SP3: variants seen among roughly 807,000 people sequenced by gnomAD.
SP3 encodes Sp3 transcription factor.
A neutral mutation model predicts 70.3 loss-of-function variants in SP3; 10 were observed. That is an observed-to-expected ratio of 0.14 (90% confidence interval 0.09 to 0.24). SP3 has a LOEUF of 0.24. Among genes scored for constraint, SP3 ranks in the 10% least tolerant of loss-of-function variants. The pLI is 1.00. For missense variants in SP3, 825 were observed against 914.6 expected, an observed-to-expected ratio of 0.90 and a Z score of 1.26; for synonymous variants, 402 against 333.5, an observed-to-expected ratio of 1.21 and a Z score of -2.24.
rs759123206 is a variant in SP3, at chr2:173,956,235, G to A, written c.280-3C>T. ...TGTGCAGAAGCCAAATCACCTGTCT[G>A]GATGAAGAAAACAAAAAGGTGATAT... On this transcript the variant is annotated splice_region_variant and splice_polypyrimidine_tract_variant and intron_variant, in intron 3 of 6. Coordinates refer to ENST00000310015, the MANE Select transcript of SP3 (RefSeq NM_003111.5). The A allele has an allele frequency of 6.4e-7, 1 of 1,569,842 alleles. No homozygotes were observed. Among genetic ancestry groups the A allele is most frequent in the East Asian group, 2.3e-5 (1 of 44,322 alleles).
chr2:173,949,546 TAAGA>T (rs1461936041), intron 4 of SP3, among the ~76,000 whole-genome samples: 2 of 152,080 alleles, frequency 1.3e-5, no homozygotes, highest in East Asian at 3.9e-4. Context: ...TAGATTAATG[TAAGA>T]AAGAATTATA....
intron 4 of SP3, among the ~76,000 whole-genome samples, chr2:173,932,066 G>A (rs1690082473): frequency 6.6e-6 from 1 of 152,290 alleles, no homozygotes; most frequent in East Asian, 1.9e-4. Context: ...GGTCTATCTG[G>A]GCTTTCAATA....
At chr2:173,916,351 T>G (rs777673478) in intron 5 of SP3, 2 of 152,076 alleles carry the variant, frequency 1.3e-5, no homozygotes, top group Non-Finnish European at 2.9e-5. Flanking sequence ...AACTTTAATT[T>G]TTTGTGCTTA....
At chr2:173,916,237 CA>C (rs1431602318) in intron 5 of SP3, 5 of 151,914 alleles carry the variant, frequency 3.3e-5, no homozygotes, top group Middle Eastern at 3.2e-3. Flanking sequence ...AATGAAGTCA[CA>C]AAAGTTCTAG....
At chr2:173,925,353 T>C (rs1689885030) in intron 4 of SP3, among the ~76,000 whole-genome samples, 1 of 152,114 alleles carries the variant, frequency 6.6e-6, no homozygotes, top group African/African-American at 2.4e-5. Flanking sequence ...TCCATGAATA[T>C]GAAGTACTTA....
intron 4 of SP3, among the ~76,000 whole-genome samples, chr2:173,948,801 T>C (rs1690623007): frequency 6.6e-6 from 1 of 152,122 alleles, no homozygotes; most frequent in Middle Eastern, 3.2e-3. Context: ...AAAAAAATCG[T>C]TGGAAAATCA....
intron 4 of SP3, among the ~76,000 whole-genome samples, chr2:173,947,453 AG>A (rs1641850861): frequency 2.7e-5 from 4 of 150,444 alleles, no homozygotes; most frequent in African/African-American, 1.0e-4. Flanking sequence ...AAAAAAAAAG[AG>A]AGAGAAACAC....
chr2:173,959,245 A>G (rs1201491095), intron 3 of SP3, among the ~76,000 whole-genome samples: 1 of 152,128 alleles, frequency 6.6e-6, no homozygotes, highest in African/African-American at 2.4e-5. Context: ...AGCACAATCA[A>G]ATTTCTTTGT....
In SP3 at chr2:173,905,277, TG is replaced by T. The variant is rs1689281502; in HGVS notation, c.*4663del. Among the ~76,000 whole-genome samples, 1 of 152,174 alleles carries T rather than the reference TG, an allele frequency of 6.6e-6. No individual in the cohort carries two copies. Among genetic ancestry groups the T allele is most frequent in the Admixed American group, 6.5e-5 (1 of 15,270 alleles). On this transcript the variant is annotated 3_prime_UTR_variant, in exon 7 of 7. Transcript: ENST00000310015. ...CAGAGTTAAGGGGGGAGGAAGGCAT[TG>T]GAAGGAGGTTACCATTTGAATCTCT...
chr2:173,933,646 A>ATATATATATT (rs1690130803), intron 4 of SP3, among the ~76,000 whole-genome samples: 1 of 133,456 alleles, frequency 7.5e-6, no homozygotes, highest in Non-Finnish European at 1.6e-5. Flanking sequence ...CTTTATATAT[A>ATATATATATT]TATATATATA....
At chr2:173,916,668 G>T (rs1341017217) in intron 5 of SP3, 1 of 151,914 alleles carries the variant, frequency 6.6e-6, no homozygotes, top group Non-Finnish European at 1.5e-5. Context: ...TTCATTGTTG[G>T]CAAAGGTGTG....
At chr2:173,915,037 G>A (rs187507940) in intron 5 of SP3, 3 of 151,994 alleles carry the variant, frequency 2.0e-5, no homozygotes, top group East Asian at 1.9e-4. Flanking sequence ...AATAATCAAC[G>A]CGCTTTTACA....
chr2:173,961,720 GTAA>G (rs371881576), intron 3 of SP3, among the ~76,000 whole-genome samples: 30 of 152,062 alleles, frequency 2.0e-4, no homozygotes, highest in African/African-American at 6.3e-4. Context: ...AGTCATTTGA[GTAA>G]TAAAAGATTA....
intron 4 of SP3, among the ~76,000 whole-genome samples, chr2:173,920,084 GC>G (rs11382552): frequency 3.3e-5 from 5 of 151,712 alleles, no homozygotes; most frequent in Non-Finnish European, 5.9e-5. Context: ...AACAAAAGAA[GC>G]CCCCCCGCAC....
At position 173,905,004 on chromosome 2, in the gene SP3, TAC is replaced by T. The variant is rs1275565522; in HGVS notation, c.*4935_*4936del. On this transcript the variant is annotated 3_prime_UTR_variant, in exon 7 of 7. Transcript: ENST00000310015. ...GAAATGTTCAAATAGGATAGACTCT[TAC>T]ACAGGGGTGTAATTTCCTCAAGAAA... Among the ~76,000 whole-genome samples, 1 of 152,218 alleles carries T rather than the reference TAC, an allele frequency of 6.6e-6. No individual in the cohort carries two copies. The highest frequency in any genetic ancestry group is 1.9e-4 in the East Asian group (1 of 5,194).
chr2:173,927,990 A>G (rs1689965546), intron 4 of SP3, among the ~76,000 whole-genome samples: 1 of 152,174 alleles, frequency 6.6e-6, no homozygotes, highest in African/African-American at 2.4e-5. Context: ...TCATAATTAT[A>G]GTTTTTTATT....
At chr2:173,949,559 T>C (rs1385106048) in intron 4 of SP3, among the ~76,000 whole-genome samples, 1 of 152,118 alleles carries the variant, frequency 6.6e-6, no homozygotes. Context: ...GAAAGAATTA[T>C]ATGAGATAAT....
intron 2 of SP3, 22 bp from the exon 3 acceptor site, chr2:173,963,905 A>G: frequency 3.5e-6 from 5 of 1,448,342 alleles, no homozygotes; most frequent in Non-Finnish European, 4.6e-6. Context: ...GGGCGGGTTC[A>G]GAGAGGGAGA....
In SP3 at chr2:173,909,996, T is replaced by G; in HGVS notation, c.2291A>C (p.Asn764Thr). The G allele has an allele frequency of 6.2e-7, 1 of 1,614,006 alleles. No homozygotes were observed. Among genetic ancestry groups the G allele is most frequent in the Non-Finnish European group, 8.5e-7 (1 of 1,179,866 alleles). ...GACAAGCTGTAAAGGTATTTCAGTG[T>G]TGGTAAGGATATCTTGATTGCTGGT... is the stretch of plus-strand genomic sequence containing the variant. ...SATSNQDILT[N>T]TEIPLQLVTV... Residue 764 changes from asparagine to threonine, a missense_variant, in exon 7 of 7, where the codon AAC (asparagine) becomes ACC (threonine). Around this residue, in one of 4 missense-constraint regions of SP3, gnomAD observed 91 missense variants for 97.4 expected, o/e 0.93. Transcript: ENST00000310015.
Sources: gnomAD v4.1 joint callset for allele counts (sites outside exome capture counted in the v4.1 genomes callset) on GRCh38, gnomAD v4.1.1 for gene constraint, gnomAD v4.1.1 regional missense constraint, MANE v1.5 for transcripts, NCBI Gene and HGNC (gene_info 2026-07-23, HGNC 2026-07-21) for gene names.